Variants in SLC30A8 observed in about 807,000 individuals in gnomAD.
SLC30A8 encodes the protein proton-coupled zinc antiporter SLC30A8.
A neutral mutation model predicts 36.9 loss-of-function variants in SLC30A8; 27 were observed. The ratio of observed to expected loss-of-function variants is 0.73; its 90% confidence interval spans 0.54 to 1.01. SLC30A8 has a LOEUF of 1.01. SLC30A8 is among the 50% of genes least tolerant of loss of function. The pLI, the probability that SLC30A8 is intolerant of heterozygous loss-of-function variation, is 0.00. For synonymous variants in SLC30A8, 164 were observed against 172.4 expected (o/e 0.95, Z 0.38); for missense variants, 439 against 452.0 (o/e 0.97, Z 0.26).
intron 2 of SLC30A8, among the ~76,000 whole-genome samples, chr8:117,152,158 A>T (rs951521964): frequency 6.6e-6 from 1 of 152,230 alleles, no homozygotes; most frequent in South Asian, 2.1e-4. Context: ...TGCTGGGAAG[A>T]TGTAGTAAGA....
chr8:117,059,450 T>C (rs1008850357), intron 2 of SLC30A8, among the ~76,000 whole-genome samples: 2 of 152,228 alleles, frequency 1.3e-5, no homozygotes, highest in African/African-American at 4.8e-5. Flanking sequence ...TGAACAAATA[T>C]TCATGTAACA....
intron 2 of SLC30A8, among the ~76,000 whole-genome samples, chr8:117,039,662 A>G (rs757489529): frequency 2.0e-5 from 3 of 152,248 alleles, no homozygotes; most frequent in Non-Finnish European, 4.4e-5. Flanking sequence ...AATATTGTCT[A>G]TCCAAGTGGA....
At chr8:117,097,422 T>A (rs556599744) in intron 2 of SLC30A8, among the ~76,000 whole-genome samples, 4,206 of 99,342 alleles carry the variant, frequency 0.042, 296 homozygotes, top group East Asian at 0.077. Context: ...AAAAAAAATA[T>A]ATATAAATAT....
chr8:117,101,552 T>C (rs1819721974), intron 2 of SLC30A8, among the ~76,000 whole-genome samples: 1 of 152,206 alleles, frequency 6.6e-6, no homozygotes, highest in African/African-American at 2.4e-5. Context: ...TGGTTAATAG[T>C]GCTTATCAAC....
intron 1 of SLC30A8, among the ~76,000 whole-genome samples, chr8:117,005,027 T>A (rs975154411): frequency 6.6e-6 from 1 of 152,148 alleles, no homozygotes; most frequent in African/African-American, 2.4e-5. Context: ...CCCAATTGAC[T>A]TATTTAAAAT....
At position 117,096,533 on chromosome 8, in the gene SLC30A8, TCTC is replaced by T. The variant is rs543253833; in HGVS notation, c.-225-38744_-225-38742del. On this transcript the variant is annotated intron_variant, in intron 2 of 10. Transcript: ENST00000427715. ...TCATCCAACATTTGGGTCAAGGAAA[TCTC>T]CTATTCTACATTTGCAAATCAGACT... is the stretch of plus-strand genomic sequence containing the variant. 7.9e-5 allele frequency among the ~76,000 whole-genome samples: 12 copies of T among 151,898 alleles called. No individual in the cohort carries two copies. In the South Asian group the frequency reaches 2.3e-3, roughly 29 times the overall value.
intron 4 of SLC30A8, among the ~76,000 whole-genome samples, chr8:117,160,349 C>G (rs959485062): frequency 9.2e-5 from 14 of 151,922 alleles, no homozygotes; most frequent in African/African-American, 3.4e-4. Flanking sequence ...AATCAGATTC[C>G]TCTGTTGTAT....
intron 1 of SLC30A8, among the ~76,000 whole-genome samples, chr8:116,977,743 C>A (rs983038076): frequency 6.6e-6 from 1 of 152,074 alleles, no homozygotes; most frequent in African/African-American, 2.4e-5. Flanking sequence ...ATCTCTTGAT[C>A]TCATGATCCA....
At chr8:117,037,926 T>TC (rs1366923957) in intron 1 of SLC30A8, among the ~76,000 whole-genome samples, 1 of 152,180 alleles carries the variant, frequency 6.6e-6, no homozygotes, top group African/African-American at 2.4e-5. Flanking sequence ...AAAACCAAAG[T>TC]CTTCCTTTTG....
chr8:117,020,932 A>G (rs1204900442), intron 1 of SLC30A8, among the ~76,000 whole-genome samples: 2 of 152,214 alleles, frequency 1.3e-5, no homozygotes, highest in Non-Finnish European at 2.9e-5. Context: ...CTGCAGTGGT[A>G]TTCGTCGGAA....
chr8:117,139,238 A>G lies in SLC30A8; in HGVS notation c.71+3840A>G, dbSNP rs529759663. Among the ~76,000 whole-genome samples the G allele has an allele frequency of 3.3e-5, 5 of 152,202 alleles. No individual in the cohort carries two copies. In the South Asian group the frequency reaches 1.0e-3, roughly 32 times the overall value. ...GAAGCACAAATGCCAGTGTGGCTGT[A>G]TTTGGAGATAGGGCCTCTAAGGAAG... On this transcript the variant is annotated intron_variant, in intron 1 of 7. Transcript: ENST00000456015.
At chr8:117,023,241 G>A (rs963345428) in intron 1 of SLC30A8, among the ~76,000 whole-genome samples, 4 of 152,174 alleles carry the variant, frequency 2.6e-5, no homozygotes, top group Admixed American at 6.5e-5. Flanking sequence ...GAGAGGATGT[G>A]GAGAAAGAGG....
chr8:117,159,552 G>C (rs777386771), intron 4 of SLC30A8, among the ~76,000 whole-genome samples: 22 of 152,188 alleles, frequency 1.4e-4, no homozygotes, highest in Non-Finnish European at 2.9e-4. Context: ...TTGATCTGCT[G>C]TCACTGACTA....
intron 1 of SLC30A8, among the ~76,000 whole-genome samples, chr8:116,955,361 A>G (rs1814156343): frequency 6.6e-6 from 1 of 152,160 alleles, no homozygotes; most frequent in South Asian, 2.1e-4. Flanking sequence ...CCATGTGAAG[A>G]CACAAAAAGA....
intron 1 of SLC30A8, among the ~76,000 whole-genome samples, chr8:116,981,797 A>T (rs1471504481): frequency 6.6e-6 from 1 of 152,112 alleles, no homozygotes; most frequent in Non-Finnish European, 1.5e-5. Flanking sequence ...TGTACTACAT[A>T]TTTTAAATCC....
chr8:116,996,206 TCTAAAAGAGATC>T (rs1466335536), intron 1 of SLC30A8, among the ~76,000 whole-genome samples: 9 of 152,318 alleles, frequency 5.9e-5, no homozygotes, highest in Admixed American at 3.3e-4. Flanking sequence ...AAATGTTAGC[TCTAAAAGAGATC>T]TTAGACATTG....
At chr8:116,951,847 A>T (rs2130569067) in intron 1 of SLC30A8, among the ~76,000 whole-genome samples, 1 of 152,176 alleles carries the variant, frequency 6.6e-6, no homozygotes, top group South Asian at 2.1e-4. Context: ...TGCTGAGCGT[A>T]GGACAATAAA....
At chr8:116,973,228 C>A (rs184276288) in intron 1 of SLC30A8, among the ~76,000 whole-genome samples, 6 of 152,268 alleles carry the variant, frequency 3.9e-5, no homozygotes, top group African/African-American at 1.4e-4. Context: ...TTTTTATAAG[C>A]CACCGAGTTT....
At chr8:117,075,478 G>T (rs1380253377) in intron 2 of SLC30A8, among the ~76,000 whole-genome samples, 3 of 152,092 alleles carry the variant, frequency 2.0e-5, no homozygotes, top group Non-Finnish European at 4.4e-5. Context: ...CCAGTGCTTT[G>T]CAGTCTCAAG....
Sources: gnomAD v4.1 joint callset for allele counts (sites outside exome capture counted in the v4.1 genomes callset) on GRCh38, gnomAD v4.1.1 for gene constraint, MANE v1.5 for transcripts, NCBI Gene and HGNC (gene_info 2026-07-23, HGNC 2026-07-21) for gene names.